Variants in RGS5 observed in about 807,000 individuals in gnomAD.
The protein encoded by RGS5 is regulator of G-protein signalling 5.
Under a neutral mutation model 18.9 loss-of-function variants are expected in RGS5, and 20 were observed. The ratio of observed to expected loss-of-function variants is 1.06; its 90% CI spans 0.74 to 1.54. The LOEUF (loss-of-function observed/expected upper bound fraction) is 1.54, where lower values mean the gene tolerates loss of function less well. RGS5 is among the 40% of genes most tolerant of loss of function. The probability of loss-of-function intolerance (pLI) is 0.00; values close to 1 mark genes in which losing one functional copy is unlikely to be tolerated. For missense variants in RGS5, 201 were observed against 211.8 expected, an observed-to-expected ratio of 0.95 and a Z score of 0.32; for synonymous variants, 57 against 76.2, an observed-to-expected ratio of 0.75 and a Z score of 1.31.
chr1:163,298,782 G>T (rs1477584968), intron 2 of RGS5, among the ~76,000 whole-genome samples: 2 of 152,094 alleles, frequency 1.3e-5, no homozygotes, highest in Non-Finnish European at 2.9e-5. Flanking sequence ...GGAGTTCAGA[G>T]AGAGCCCTTT....
intron 2 of RGS5, among the ~76,000 whole-genome samples, chr1:163,256,303 C>T (rs1459992142): frequency 6.9e-6 from 1 of 145,642 alleles, no homozygotes; most frequent in Non-Finnish European, 1.5e-5. Flanking sequence ...CACAAGCATT[C>T]TTATACACCA....
upstream of RGS5, among the ~76,000 whole-genome samples, chr1:163,221,602 A>G (rs1307905834): frequency 6.6e-6 from 1 of 152,242 alleles, no homozygotes; most frequent in African/African-American, 2.4e-5. Flanking sequence ...AGCTTTAGTC[A>G]TACCAGACAA....
At chr1:163,287,656 T>C (rs886967690) in intron 2 of RGS5, among the ~76,000 whole-genome samples, 1 of 152,216 alleles carries the variant, frequency 6.6e-6, no homozygotes, top group African/African-American at 2.4e-5. Flanking sequence ...TCTATATGCT[T>C]TCTGGATGGG....
At chr1:163,265,056 C>T (rs1648542336) in intron 2 of RGS5, among the ~76,000 whole-genome samples, 1 of 152,094 alleles carries the variant, frequency 6.6e-6, no homozygotes, top group African/African-American at 2.4e-5. Context: ...AATTTGTGGA[C>T]TCCAACTCAG....
intron 1 of RGS5, among the ~76,000 whole-genome samples, chr1:163,169,143 G>A (rs1428464094): frequency 2.6e-5 from 4 of 151,976 alleles, no homozygotes; most frequent in Non-Finnish European, 4.4e-5. Flanking sequence ...ATAGTTTGCT[G>A]AGAATGATGG....
chr1:163,279,580 T>C (rs12752203), intron 2 of RGS5, among the ~76,000 whole-genome samples: 22,044 of 151,814 alleles, frequency 0.15, 1,942 homozygotes, highest in Non-Finnish European at 0.19. Flanking sequence ...CTGAAAGATT[T>C]CAAATAAACA....
At chr1:163,274,626 G>A (rs1216636631) in intron 2 of RGS5, among the ~76,000 whole-genome samples, 1 of 152,218 alleles carries the variant, frequency 6.6e-6, no homozygotes, top group Non-Finnish European at 1.5e-5. Flanking sequence ...TACCTGGCCT[G>A]AAACTTGCAA....
chr1:163,160,591 G>T (rs1175380904), intron 3 of RGS5, among the ~76,000 whole-genome samples: 1 of 152,132 alleles, frequency 6.6e-6, no homozygotes, highest in African/African-American at 2.4e-5. Context: ...GTGGGGTTCT[G>T]TCTCCAAAAA....
intron 2 of RGS5, among the ~76,000 whole-genome samples, chr1:163,264,474 C>T (rs1280046521): frequency 6.6e-6 from 1 of 152,128 alleles, no homozygotes; most frequent in African/African-American, 2.4e-5. Flanking sequence ...ATTATTTCCC[C>T]TGTATCCTAC....
intron 1 of RGS5, chr1:163,172,667 G>A (rs1454489963): frequency 2.7e-6 from 4 of 1,509,246 alleles, no homozygotes; most frequent in Non-Finnish European, 3.6e-6. Flanking sequence ...TTCTGGCTTG[G>A]TATAGGCTCA....
At chr1:163,204,155 T>C (rs898257920), upstream of RGS5, among the ~76,000 whole-genome samples, 2 of 152,168 alleles carry the variant, frequency 1.3e-5, no homozygotes, top group Non-Finnish European at 2.9e-5. Flanking sequence ...ATAAATAGAA[T>C]AGACAAATAT....
At chr1:163,210,063 C>T (rs1468224020) in intron 1 of RGS5, among the ~76,000 whole-genome samples, 1 of 151,788 alleles carries the variant, frequency 6.6e-6, no homozygotes, top group African/African-American at 2.4e-5. Context: ...AATCTCAGCT[C>T]ACTATAACCT....
At chr1:163,304,729 T>G (rs984748739) in intron 2 of RGS5, 1 of 152,254 alleles carries the variant, frequency 6.6e-6, no homozygotes, top group Admixed American at 6.5e-5. Context: ...GTAAGTGTTT[T>G]GTTAACTTGA....
At chr1:163,231,375 A>G (rs989040484) in intron 2 of RGS5, among the ~76,000 whole-genome samples, 1 of 152,178 alleles carries the variant, frequency 6.6e-6, no homozygotes, top group Non-Finnish European at 1.5e-5. Context: ...GGCTTGTTAA[A>G]TTTGTGTATT....
chr1:163,183,937 T>C (rs1043324953), intron 1 of RGS5, among the ~76,000 whole-genome samples: 1 of 152,200 alleles, frequency 6.6e-6, no homozygotes, highest in African/African-American at 2.4e-5. Context: ...AAATTTCACA[T>C]AAGTTTTCGA....
At chr1:163,240,714 G>C (rs1221058349) in intron 2 of RGS5, among the ~76,000 whole-genome samples, 1 of 152,034 alleles carries the variant, frequency 6.6e-6, no homozygotes, top group African/African-American at 2.4e-5. Flanking sequence ...ACAGAGTCTT[G>C]CTATGCTGCC....
At chr1:163,220,010 C>A (rs61810854), upstream of RGS5, among the ~76,000 whole-genome samples, 17,365 of 152,120 alleles carry the variant, frequency 0.11, 1,314 homozygotes, top group South Asian at 0.19. Context: ...ATGCCTGAAC[C>A]AATTTACATT....
intron 1 of RGS5, chr1:163,172,575 C>G: frequency 1.3e-6 from 2 of 1,549,958 alleles, no homozygotes; most frequent in Non-Finnish European, 1.7e-6. Context: ...TCAGGTTACT[C>G]TTTTCCTCAT....
intron 2 of RGS5, among the ~76,000 whole-genome samples, chr1:163,223,271 T>C (rs755854423): frequency 1.8e-4 from 27 of 152,192 alleles, no homozygotes; most frequent in Admixed American, 9.2e-4. Flanking sequence ...TGATAAAGCA[T>C]TGCCAACTGA....
Sources: gnomAD v4.1 joint callset for allele counts (sites outside exome capture counted in the v4.1 genomes callset) on GRCh38, gnomAD v4.1.1 for gene constraint, MANE v1.5 for transcripts, NCBI Gene and HGNC (gene_info 2026-07-23, HGNC 2026-07-21) for gene names.